TMEM63C: variants seen among roughly 807,000 people sequenced by gnomAD.
The protein encoded by TMEM63C is transmembrane protein 63C.
In TMEM63C, 32 loss-of-function variants were observed where a neutral mutation model predicts 99.2. The observed-to-expected ratio is 0.32, with a 90% CI of 0.24 to 0.43. The LOEUF is 0.43. TMEM63C is among the 20% of genes least tolerant of loss of function. The probability of loss-of-function intolerance (pLI) is 1.00; values close to 1 mark genes in which losing one functional copy is unlikely to be tolerated. For synonymous variants in TMEM63C, 376 were observed against 397.9 expected, an observed-to-expected ratio of 0.94 and a Z score of 0.66; for missense variants, 826 against 1,053.0, an observed-to-expected ratio of 0.78 and a Z score of 2.98.
At chr14:77,183,159 A>G (rs963420982) in intron 1 of TMEM63C, among the ~76,000 whole-genome samples, 1 of 152,156 alleles carries the variant, frequency 6.6e-6, no homozygotes, top group Non-Finnish European at 1.5e-5. Context: ...AGCCAGAGCC[A>G]GATGAGGAAA....
intron 1 of TMEM63C, among the ~76,000 whole-genome samples, chr14:77,188,042 T>C (rs2140087925): frequency 6.6e-6 from 1 of 152,308 alleles, no homozygotes; most frequent in East Asian, 1.9e-4. Flanking sequence ...GAACCATTGC[T>C]CTGGCAAATC....
At chr14:77,215,614 A>AGAAAAGAAAAAAAAAGAAAAGAAAAG in intron 2 of TMEM63C, among the ~76,000 whole-genome samples, 1 of 76,550 alleles carries the variant, frequency 1.3e-5, no homozygotes, top group East Asian at 4.5e-4. Flanking sequence ...AAAAAAAAAA[A>AGAAAAGAAAAAAAAAGAAAAGAAAAG]AAAAGAAAAG....
At chr14:77,190,724 A>G (rs1888090160) in intron 1 of TMEM63C, among the ~76,000 whole-genome samples, 1 of 152,234 alleles carries the variant, frequency 6.6e-6, no homozygotes, top group Admixed American at 6.5e-5. Context: ...AAAATTCAAC[A>G]TGTCTCTGAT....
chr14:77,183,358 G>A (rs2140084448), intron 1 of TMEM63C, among the ~76,000 whole-genome samples: 1 of 152,304 alleles, frequency 6.6e-6, no homozygotes, highest in Non-Finnish European at 1.5e-5. Flanking sequence ...CGGTGACAGG[G>A]AACAGCACCA....
chr14:77,216,127 GGAGAGA>G (rs34226160), intron 2 of TMEM63C, among the ~76,000 whole-genome samples: 1,972 of 148,992 alleles, frequency 0.013, 37 homozygotes, highest in African/African-American at 0.046. Flanking sequence ...AAGGAGGGAG[GGAGAGA>G]GAGAGAGAGA....
intron 2 of TMEM63C, among the ~76,000 whole-genome samples, chr14:77,214,326 C>A (rs887225192): frequency 6.6e-6 from 1 of 152,042 alleles, no homozygotes; most frequent in Admixed American, 6.5e-5. Flanking sequence ...CAAGGTCACC[C>A]GATGAGCGAT....
At chr14:77,186,797 G>GTC (rs1555345712) in intron 1 of TMEM63C, among the ~76,000 whole-genome samples, 11 of 100,070 alleles carry the variant, frequency 1.1e-4, no homozygotes, top group Non-Finnish European at 1.3e-4. Flanking sequence ...GTGTGTGTGT[G>GTC]TGTCTGTGTG....
At chr14:77,222,173 G>A (rs945290604) in intron 5 of TMEM63C, among the ~76,000 whole-genome samples, 2 of 152,094 alleles carry the variant, frequency 1.3e-5, no homozygotes, top group Admixed American at 6.5e-5. Flanking sequence ...AGTCATTTGG[G>A]GTTCCATTTG....
At position 77,243,190 on chromosome 14, in the gene TMEM63C, A is replaced by G. The variant is rs372793475; in HGVS notation, c.1341+134A>G. 360 of 1,071,196 alleles carry G rather than the reference A, an allele frequency of 3.4e-4. 3 individuals carry two copies. The East Asian group carries it at 7.9e-3, about 23-fold the overall frequency. The allele number at this position is 1,071,196 out of a possible 1,614,324, so 66.4% of individuals were successfully genotyped here. A position where few individuals can be genotyped will look rare whatever the true frequency, so the allele number is the denominator to read the frequency against. ...CAGTGCGAACATTGTGGAGGTGGCC[A>G]TGGTGCAAATGGCGGGGTAGGGCTT... On this transcript the variant is annotated intron_variant, in intron 15 of 23. Transcript: ENST00000298351.
intron 2 of TMEM63C, among the ~76,000 whole-genome samples, chr14:77,216,631 G>C (rs549360198): frequency 6.6e-6 from 1 of 152,134 alleles, no homozygotes; most frequent in African/African-American, 2.4e-5. Context: ...CTATCTTCCA[G>C]TGGCTCAGGC....
In TMEM63C at chr14:77,256,774, G is replaced by A. The variant is rs749149455; in HGVS notation, c.*48G>A. The A allele has an allele frequency of 6.3e-6, 10 of 1,581,068 alleles. No individual in the cohort carries two copies. In the Admixed American group the frequency reaches 1.5e-4, roughly 24 times the overall value. On this transcript the variant is annotated 3_prime_UTR_variant, in exon 24 of 24. Transcript: ENST00000298351. ...GCGACTTGTTGAGGGGTCAGGGGAG[G>A]GCCTGGCAAGGGGAGGCAGGAGGGT...
Position 77,244,342 on chromosome 14 carries a change from C to G in TMEM63C, c.1342-7C>G, listed in dbSNP as rs1889233378. 1.2e-6 allele frequency: 2 copies of G among 1,610,178 alleles called. No homozygotes were observed. The highest frequency in any genetic ancestry group is 1.3e-5 in the African/African-American group (1 of 74,846). On this transcript the variant is annotated splice_region_variant and splice_polypyrimidine_tract_variant and intron_variant, in intron 15 of 23. Transcript: ENST00000298351. ...CTCTCCTGCCGTCCTCCCCTCTCCC[C>G]CTGCAGAACCCAATTGTGACCCAGT...
At chr14:77,255,540 G>A (rs1889446073) in intron 23 of TMEM63C, among the ~76,000 whole-genome samples, 1 of 152,152 alleles carries the variant, frequency 6.6e-6, no homozygotes, top group Admixed American at 6.6e-5. Context: ...GGATTTTTCT[G>A]GCTGTTCATG....
chr14:77,250,189 T>G (rs1056736830), intron 21 of TMEM63C, among the ~76,000 whole-genome samples: 1 of 152,180 alleles, frequency 6.6e-6, no homozygotes, highest in Non-Finnish European at 1.5e-5. Context: ...AAACAGAGCC[T>G]GCAGTAGGGG....
At chr14:77,247,349 T>A (rs1321573851) in intron 18 of TMEM63C, among the ~76,000 whole-genome samples, 2 of 152,116 alleles carry the variant, frequency 1.3e-5, no homozygotes, top group African/African-American at 4.8e-5. Flanking sequence ...TACAAGCACA[T>A]GCCACCATGC....
At chr14:77,207,001 T>C (rs1473544968) in intron 1 of TMEM63C, among the ~76,000 whole-genome samples, 1 of 151,418 alleles carries the variant, frequency 6.6e-6, no homozygotes, top group Non-Finnish European at 1.5e-5. Flanking sequence ...CTCCTCCCCG[T>C]GTCTCCCTGA....
At chr14:77,238,912 T>G in intron 10 of TMEM63C, 145 bp downstream of exon 10, 2 of 642,706 alleles carry the variant, frequency 3.1e-6, no homozygotes, top group Non-Finnish European at 5.5e-6. Flanking sequence ...CAGGATCAGC[T>G]TTTTAGAATG....
chr14:77,248,768 A>C lies in TMEM63C; in HGVS notation c.1766A>C (p.Asn589Thr), dbSNP rs773381771. 6.2e-7 allele frequency: 1 copy of C among 1,613,978 alleles called. No individual in the cohort carries two copies. Among genetic ancestry groups the C allele is most frequent in the Non-Finnish European group, 8.5e-7 (1 of 1,179,844 alleles). The change falls in exon 20 of 24, where the codon AAC becomes ACC. Residue 589 changes from asparagine to threonine, a missense_variant and splice_region_variant. By Grantham distance (65) the Asn-to-Thr change is moderately conservative (BLOSUM62 0). Transcript: ENST00000298351. ...GGTGACACCTGCCTTCTGCCCCAGA[A>C]CCAGGCCATAGACTTCCAGTTTGGG... ...SEPERVNIRK[N>T]QAIDFQFGRE...
At chr14:77,203,967 T>C (rs1218312451) in intron 1 of TMEM63C, among the ~76,000 whole-genome samples, 1 of 152,220 alleles carries the variant, frequency 6.6e-6, no homozygotes, top group East Asian at 1.9e-4. Flanking sequence ...CTCCTTCTCC[T>C]CCTTCCTGCC....
Sources: allele counts gnomAD v4.1 joint callset (sites outside exome capture counted in the v4.1 genomes callset), GRCh38; gene constraint gnomAD v4.1.1; transcripts MANE v1.5; gene names NCBI Gene and HGNC (gene_info 2026-07-23, HGNC 2026-07-21).